The following CDH12 variants were observed in gnomAD, a reference collection of about 807,000 sequenced individuals.
The protein encoded by CDH12 is cadherin-12.
A neutral mutation model predicts 74.1 loss-of-function variants in CDH12; 41 were observed. That is an observed-to-expected ratio of 0.55 (90% CI 0.43 to 0.72). The LOEUF is 0.72. Among genes scored for constraint, CDH12 ranks in the 30% least tolerant of loss-of-function variants. The pLI is 0.00. For synonymous variants in CDH12, 399 were observed against 355.0 expected, an observed-to-expected ratio of 1.12 and a Z score of -1.39; for missense variants, 945 against 977.2, an observed-to-expected ratio of 0.97 and a Z score of 0.44.
At position 22,109,131 on chromosome 5, in the gene CDH12, AT is replaced by A. The variant is rs1238278193; in HGVS notation, c.-186-30270del. On this transcript the variant is annotated intron_variant, in intron 4 of 14. Coordinates refer to ENST00000382254, the MANE Select transcript of CDH12 (RefSeq NM_004061.5). Reference sequence around the variant, plus strand: ...CATTTTACTCTTTATGATATTTGGAATTTGGGGGAGACAATTTTCCATGCAT... The same window carrying A: ...CATTTTACTCTTTATGATATTTGGAATTGGGGGAGACAATTTTCCATGCAT... Among the ~76,000 whole-genome samples, 5 of 152,262 alleles carry A rather than the reference AT, an allele frequency of 3.3e-5. 1 individual carries two copies. Among genetic ancestry groups the A allele is most frequent in the Admixed American group, 3.3e-4 (5 of 15,282 alleles).
At chr5:22,331,792 A>G (rs892722636) in intron 3 of CDH12, among the ~76,000 whole-genome samples, 1 of 152,252 alleles carries the variant, frequency 6.6e-6, no homozygotes, top group Non-Finnish European at 1.5e-5. Flanking sequence ...GAATTCCATT[A>G]GATACATTTA....
intron 1 of CDH12, among the ~76,000 whole-genome samples, chr5:22,797,686 T>C (rs1293642224): frequency 1.3e-5 from 2 of 152,158 alleles, no homozygotes; most frequent in Non-Finnish European, 2.9e-5. Context: ...ATCAGAAAAG[T>C]TCCCTTTGCC....
chr5:21,945,936 A>G (rs1031125783), intron 6 of CDH12, among the ~76,000 whole-genome samples: 11 of 152,094 alleles, frequency 7.2e-5, no homozygotes, highest in African/African-American at 2.7e-4. Flanking sequence ...CAAGAAACAG[A>G]GCAAATCTTA....
chr5:22,652,239 C>T (rs745357220), intron 1 of CDH12, among the ~76,000 whole-genome samples: 15 of 152,118 alleles, frequency 9.9e-5, no homozygotes, highest in Non-Finnish European at 1.9e-4. Context: ...ATCTCCTGCA[C>T]AGCACTTAAG....
chr5:22,231,286 G>A (rs1752373697), intron 3 of CDH12, among the ~76,000 whole-genome samples: 1 of 151,842 alleles, frequency 6.6e-6, no homozygotes. Context: ...CACATATATT[G>A]GCTCAAATTT....
At chr5:22,266,985 C>T (rs78692991) in intron 3 of CDH12, among the ~76,000 whole-genome samples, 5,840 of 152,110 alleles carry the variant, frequency 0.038, 388 homozygotes, top group African/African-American at 0.13. Context: ...CCTTTCTAAG[C>T]TACACAATTA....
intron 10 of CDH12, among the ~76,000 whole-genome samples, chr5:21,788,388 G>A (rs1008215409): frequency 1.3e-5 from 2 of 152,140 alleles, no homozygotes; most frequent in East Asian, 3.9e-4. Context: ...CACAGGTGGT[G>A]TAGGGAGCTA....
intron 3 of CDH12, among the ~76,000 whole-genome samples, chr5:22,282,187 C>T (rs1349109781): frequency 2.0e-5 from 3 of 152,066 alleles, no homozygotes; most frequent in East Asian, 1.9e-4. Context: ...ACTGACTAGC[C>T]ATATGCAGAA....
At chr5:22,351,157 A>G in intron 3 of CDH12, among the ~76,000 whole-genome samples, 1 of 152,208 alleles carries the variant, frequency 6.6e-6, no homozygotes, top group Admixed American at 6.5e-5. Context: ...GCCCTATCAT[A>G]CAAAGTCTTC....
chr5:22,830,162 A>G (rs1736525007), intron 1 of CDH12, among the ~76,000 whole-genome samples: 1 of 152,192 alleles, frequency 6.6e-6, no homozygotes, highest in Non-Finnish European at 1.5e-5. Context: ...CATGGTAAGA[A>G]AGGTGAAACA....
chr5:22,187,710 C>A (rs2150343178), intron 4 of CDH12, among the ~76,000 whole-genome samples: 1 of 149,680 alleles, frequency 6.7e-6, no homozygotes, highest in South Asian at 2.1e-4. Context: ...AGACTAGAAT[C>A]TAAGCTCTGT....
At chr5:22,561,319 T>C (rs373305142) in intron 1 of CDH12, among the ~76,000 whole-genome samples, 232 of 152,276 alleles carry the variant, frequency 1.5e-3, no homozygotes, top group African/African-American at 5.5e-3. Flanking sequence ...TACCCATATA[T>C]AGGCACAATC....
intron 2 of CDH12, among the ~76,000 whole-genome samples, chr5:22,490,059 T>C (rs1746796494): frequency 6.6e-6 from 1 of 152,214 alleles, no homozygotes; most frequent in Admixed American, 6.5e-5. Context: ...GAAGATAAGG[T>C]ATAATTTTAA....
chr5:22,333,307 G>A (rs563171886), intron 3 of CDH12, among the ~76,000 whole-genome samples: 1 of 152,122 alleles, frequency 6.6e-6, no homozygotes, highest in Admixed American at 6.6e-5. Context: ...ACACACTGGG[G>A]CCTCTCGGGG....
At chr5:21,882,502 A>T in intron 6 of CDH12, 1 of 757,498 alleles carries the variant, frequency 1.3e-6, no homozygotes, top group Non-Finnish European at 2.3e-6. Context: ...TTTGCTTTTT[A>T]AAAGTGATAT....
At chr5:21,917,453 T>A (rs1450383634) in intron 6 of CDH12, among the ~76,000 whole-genome samples, 1 of 152,264 alleles carries the variant, frequency 6.6e-6, no homozygotes, top group African/African-American at 2.4e-5. Flanking sequence ...AATTAACTAA[T>A]CTTCCTTTGA....
chr5:22,116,864 C>CT lies in CDH12; in HGVS notation c.-186-38003dup, dbSNP rs70957090. On this transcript the variant is annotated intron_variant, in intron 4 of 14. Transcript: ENST00000382254. ...GCTAGGCTGGAGCATCTGCAAGTCT[C>CT]TTTTTTTTTTTTTTTTTTTTTTTAA... 2.7e-3 allele frequency among the ~76,000 whole-genome samples: 292 copies of CT among 107,998 alleles called. 1 individual carries two copies. The highest frequency in any genetic ancestry group is 4.3e-3 in the Admixed American group (43 of 9,964). The allele number at this position is 107,998 out of a possible 152,430, so 70.9% of individuals were successfully genotyped here.
intron 4 of CDH12, among the ~76,000 whole-genome samples, chr5:22,190,346 A>ATCTGTCTG: frequency 6.7e-6 from 1 of 148,852 alleles, no homozygotes; most frequent in African/African-American, 2.5e-5. Flanking sequence ...TCATGCCTCC[A>ATCTGTCTG]TCTGTCTGTC....
chr5:22,624,320 T>G (rs1029068007), intron 1 of CDH12, among the ~76,000 whole-genome samples: 6 of 151,534 alleles, frequency 4.0e-5, no homozygotes, highest in African/African-American at 1.2e-4. Flanking sequence ...TGGGATCTAA[T>G]TAAACTAAAG....
Sources: allele counts gnomAD v4.1 joint callset (sites outside exome capture counted in the v4.1 genomes callset), GRCh38; gene constraint gnomAD v4.1.1; transcripts MANE v1.5; gene names NCBI Gene and HGNC (gene_info 2026-07-23, HGNC 2026-07-21).